Variants in MAPKBP1 observed in about 807,000 individuals in gnomAD.
MAPKBP1 encodes mitogen-activated protein kinase-binding protein 1.
Under a neutral mutation model 170.5 loss-of-function variants are expected in MAPKBP1, and 71 were observed. The ratio of observed to expected loss-of-function variants is 0.42; its 90% CI spans 0.34 to 0.51. The LOEUF (loss-of-function observed/expected upper bound fraction) is 0.51, where lower values mean the gene tolerates loss of function less well. Ranked by LOEUF, MAPKBP1 falls within the 20% of genes least tolerant of loss-of-function variation. The pLI, the probability that MAPKBP1 is intolerant of heterozygous loss-of-function variation, is 0.06. For missense variants in MAPKBP1, 1,598 were observed against 1,933.0 expected (o/e 0.83, Z 3.25); for synonymous variants, 719 against 757.9 (o/e 0.95, Z 0.84).
At chr15:41,813,490 C>A in intron 8 of MAPKBP1, 131 bp from the exon 9 acceptor site, 2 of 1,415,536 alleles carry the variant, frequency 1.4e-6, no homozygotes, top group Non-Finnish European at 2.0e-6. Flanking sequence ...CAGAACAGGG[C>A]AGCTGGGCGG....
intron 3 of MAPKBP1, among the ~76,000 whole-genome samples, chr15:41,804,922 C>T (rs972378101): frequency 6.6e-6 from 1 of 152,166 alleles, no homozygotes; most frequent in African/African-American, 2.4e-5. Flanking sequence ...ATGTTGGGGG[C>T]CACCAGATTC....
Position 41,818,288 on chromosome 15 carries a change from C to T in MAPKBP1, c.2075C>T (p.Thr692Ile). 4.3e-6 allele frequency: 7 copies of T among 1,613,822 alleles called. No individual in the cohort carries two copies. Among genetic ancestry groups the T allele is most frequent in the Non-Finnish European group, 5.9e-6 (7 of 1,179,748 alleles). ...FDFSSGECVATMFGHSEIVTG... is the reference protein window; with the variant it reads ...FDFSSGECVAIMFGHSEIVTG... ...TTCTCCTCAGGCGAGTGCGTGGCCA[C>T]CATGTTTGGCCACTCAGGTGAGTGT... The change falls in exon 18 of 31, where the codon ACC (threonine) becomes ATC (isoleucine). Residue 692 changes from threonine to isoleucine, a missense_variant. By Grantham distance (89) the Thr-to-Ile change is moderately conservative (BLOSUM62 -1). Around this residue, in one of 6 missense-constraint regions of MAPKBP1, gnomAD observed 63 missense variants for 115.2 expected, o/e 0.55. Coordinates refer to ENST00000457542, the MANE Select transcript of MAPKBP1 (RefSeq NM_014994.3). This position sits in a 1 kb window ranked among gnomAD's most constrained non-coding sequence, Gnocchi z 5.2.
intron 2 of MAPKBP1, among the ~76,000 whole-genome samples, chr15:41,784,600 G>A (rs970989639): frequency 6.6e-6 from 1 of 151,868 alleles, no homozygotes; most frequent in Admixed American, 6.6e-5. Flanking sequence ...TGGCCAACAT[G>A]CTGAAACCCC....
intron 2 of MAPKBP1, among the ~76,000 whole-genome samples, chr15:41,780,894 A>G (rs929053909): frequency 6.6e-6 from 1 of 152,042 alleles, no homozygotes; most frequent in Admixed American, 6.6e-5. Context: ...CTTCCTTTCA[A>G]CAGTTATAGC....
In MAPKBP1 at chr15:41,819,547, C is replaced by CGGA. The variant is rs1555454018; in HGVS notation, c.2426-46_2426-45insAGG. ...GGGCCAGGGCTCCAGGGTTGGGTGG[C>CGGA]GGGGGGGGGGCAGGAGACACTTCCT... On this transcript the variant is annotated intron_variant, in intron 21 of 30. Transcript: ENST00000457542. The CGGA allele has an allele frequency of 5.3e-4, 660 of 1,235,900 alleles. 7 individuals are homozygous for CGGA. Among genetic ancestry groups the CGGA allele is most frequent in the Non-Finnish European group, 6.6e-4 (602 of 907,532 alleles). The allele number at this position is 1,235,900 out of a possible 1,614,324, so 76.6% of individuals were successfully genotyped here.
chr15:41,817,768 T>G lies in MAPKBP1; in HGVS notation c.1904+33T>G. ...TCCCCTCCTCAGACTCTGCCCACAT[T>G]CCTTCATCTCCCTACGGGGTCAGCT... is the stretch of plus-strand genomic sequence containing the variant. On this transcript the variant is annotated intron_variant, in intron 16 of 30. Coordinates refer to ENST00000457542, the MANE Select transcript of MAPKBP1 (RefSeq NM_014994.3). The surrounding 1 kb of genome is among the most constrained non-coding windows in gnomAD (Gnocchi z 4.2). 4 of 1,604,650 alleles carry G rather than the reference T, an allele frequency of 2.5e-6. No individual in the cohort carries two copies. The highest frequency in any genetic ancestry group is 3.4e-6 in the Non-Finnish European group (4 of 1,175,468).
At chr15:41,807,471 T>C (rs2064718981) in intron 3 of MAPKBP1, among the ~76,000 whole-genome samples, 1 of 152,268 alleles carries the variant, frequency 6.6e-6, no homozygotes, top group African/African-American at 2.4e-5. Context: ...GGCTGGATTA[T>C]GCATCGAGTC....
chr15:41,811,206 C>G lies in MAPKBP1; in HGVS notation c.298C>G (p.Pro100Ala), dbSNP rs761680245. 6.2e-7 allele frequency: 1 copy of G among 1,614,242 alleles called. No individual in the cohort carries two copies. The highest frequency in any genetic ancestry group is 2.2e-5 in the East Asian group (1 of 44,878). The change falls in exon 5 of 31, where the codon CCT (proline) becomes GCT (alanine). Residue 100 changes from proline (P) to alanine (A), a missense_variant. Pro to Ala is a conservative substitution (Grantham distance 27). This residue lies in a region of MAPKBP1 where 151 missense variants were observed against 191.4 expected (regional missense o/e 0.79). Transcript: ENST00000457542. ...RKTITALAFS[P>A]DGKYLVTGES... ...AACCATCACTGCCCTTGCCTTCTCC[C>G]CTGATGGCAAGTACTTGGTCACTGG...
At chr15:41,800,947 C>G (rs1222907183) in intron 3 of MAPKBP1, among the ~76,000 whole-genome samples, 3 of 151,952 alleles carry the variant, frequency 2.0e-5, no homozygotes, top group Non-Finnish European at 4.4e-5. Flanking sequence ...ATTGCCTAGG[C>G]TAGTTTCGAA....
intron 3 of MAPKBP1, among the ~76,000 whole-genome samples, chr15:41,801,981 G>C (rs1390528304): frequency 1.3e-5 from 2 of 152,160 alleles, no homozygotes; most frequent in African/African-American, 4.8e-5. Flanking sequence ...ACATTACAGA[G>C]TATACTTACA....
chr15:41,813,280 C>T (rs1341567675), intron 8 of MAPKBP1, 179 bp downstream of exon 8: 1 of 1,522,408 alleles, frequency 6.6e-7, no homozygotes, highest in Non-Finnish European at 9.1e-7. Context: ...GTATAACTGC[C>T]TCCTCTCTGC....
At position 41,819,549 on chromosome 15, in the gene MAPKBP1, G is replaced by GA. The variant is rs765637153; in HGVS notation, c.2426-46_2426-45insA. Reference sequence around the variant, plus strand: ...GCCAGGGCTCCAGGGTTGGGTGGCGGGGGGGGGGCAGGAGACACTTCCTCT... The same window carrying GA: ...GCCAGGGCTCCAGGGTTGGGTGGCGGAGGGGGGGGCAGGAGACACTTCCTCT... On this transcript the variant is annotated intron_variant, in intron 21 of 30. Transcript: ENST00000457542. 8.3e-6 allele frequency: 12 copies of GA among 1,448,748 alleles called. 1 individual carries two copies. Among genetic ancestry groups the GA allele is most frequent in the Middle Eastern group, 1.8e-4 (1 of 5,438 alleles). The allele number at this position is 1,448,748 out of a possible 1,614,324, so 89.7% of individuals were successfully genotyped here.
chr15:41,820,427 G>A (rs990970667), intron 22 of MAPKBP1, among the ~76,000 whole-genome samples: 1 of 152,028 alleles, frequency 6.6e-6, no homozygotes, highest in Non-Finnish European at 1.5e-5. Context: ...GATTTCTTGG[G>A]GGACTCTTGG....
chr15:41,810,599 GT>G (rs1265595512), intron 3 of MAPKBP1: 1 of 388,476 alleles, frequency 2.6e-6, no homozygotes, highest in Admixed American at 4.1e-5. Flanking sequence ...CATGCCTGTG[GT>G]TCCAGCTACT....
chr15:41,821,983 T>C lies in MAPKBP1; in HGVS notation c.2904T>C (p.Ala968=), dbSNP rs775322797. The C allele has an allele frequency of 3.5e-5, 56 of 1,610,800 alleles. No homozygotes were observed. In the Middle Eastern group the frequency reaches 5.1e-4, roughly 15 times the overall value. ...TMDTSEFQVQ[A]PARGTLGRVY... is the part of the protein sequence containing the mutation. Reference sequence around the variant, plus strand: ...CTGACAGTGAGTTCCAAGTGCAGGCTCCAGCCCGGGGAACTCTGGGAAGAG... The same window carrying C: ...CTGACAGTGAGTTCCAAGTGCAGGCCCCAGCCCGGGGAACTCTGGGAAGAG... The change falls in exon 25 of 31, where the codon GCT becomes GCC. Residue 968 remains alanine (A), a synonymous_variant. Transcript: ENST00000457542.
At chr15:41,797,759 G>A (rs2064516359) in intron 2 of MAPKBP1, among the ~76,000 whole-genome samples, 1 of 152,158 alleles carries the variant, frequency 6.6e-6, no homozygotes, top group African/African-American at 2.4e-5. Flanking sequence ...GCTCTGTATT[G>A]AAACCACATC....
intron 2 of MAPKBP1, among the ~76,000 whole-genome samples, chr15:41,797,816 G>C (rs965828698): frequency 6.6e-6 from 1 of 152,148 alleles, no homozygotes; most frequent in Non-Finnish European, 1.5e-5. Context: ...GCATCCCCAA[G>C]ATACACAGAT....
chr15:41,781,044 T>G (rs1467082747), intron 2 of MAPKBP1, among the ~76,000 whole-genome samples: 1 of 150,650 alleles, frequency 6.6e-6, no homozygotes, highest in East Asian at 2.0e-4. Context: ...TTTGTCACAA[T>G]GTTTGCAATG....
At chr15:41,784,033 C>G (rs1329107866) in intron 2 of MAPKBP1, among the ~76,000 whole-genome samples, 2 of 152,132 alleles carry the variant, frequency 1.3e-5, no homozygotes, top group African/African-American at 4.8e-5. Flanking sequence ...CTGATTCTTG[C>G]ACCTCTACGC....
Sources: allele counts gnomAD v4.1 joint callset (sites outside exome capture counted in the v4.1 genomes callset), GRCh38; gene constraint gnomAD v4.1.1; regional missense constraint gnomAD v4.1.1; non-coding constraint Gnocchi (gnomAD v3.1); transcripts MANE v1.5; gene names NCBI Gene and HGNC (gene_info 2026-07-23, HGNC 2026-07-21).